Variants in PPARD observed in about 807,000 individuals in gnomAD.
The protein encoded by PPARD is peroxisome proliferator-activated receptor delta.
PPARD carries 6 observed loss-of-function variants against 39.5 expected under a neutral mutation model. The ratio of observed to expected loss-of-function variants is 0.15; its 90% CI spans 0.08 to 0.30. The LOEUF is 0.30. Ranked by LOEUF, PPARD falls within the 10% of genes least tolerant of loss-of-function variation. PPARD has a pLI of 1.00. For synonymous variants in PPARD, 210 were observed against 231.3 expected, an observed-to-expected ratio of 0.91 and a Z score of 0.83; for missense variants, 397 against 596.8, an observed-to-expected ratio of 0.67 and a Z score of 3.49.
intron 2 of PPARD, among the ~76,000 whole-genome samples, chr6:35,347,603 ATT>A (rs754920670): frequency 6.6e-6 from 1 of 150,478 alleles, no homozygotes; most frequent in Non-Finnish European, 1.5e-5. Context: ...ATATATATAT[ATT>A]TTGTTTGTTT....
chr6:35,410,037 ACAGG>A (rs1765326296), intron 2 of PPARD, among the ~76,000 whole-genome samples: 1 of 152,188 alleles, frequency 6.6e-6, no homozygotes, highest in South Asian at 2.1e-4. Context: ...GAGTGGGTAG[ACAGG>A]CAGGTGGGTT....
chr6:35,398,424 A>G (rs1041465672), intron 2 of PPARD, among the ~76,000 whole-genome samples: 1 of 152,162 alleles, frequency 6.6e-6, no homozygotes. Flanking sequence ...GAGAGAGACC[A>G]TGGGGGGAAG....
chr6:35,351,228 T>C lies in PPARD; in HGVS notation c.-102+4078T>C, dbSNP rs562428714. Among the ~76,000 whole-genome samples, 31 of 152,086 alleles carry C rather than the reference T, an allele frequency of 2.0e-4. No individual in the cohort carries two copies. The East Asian group carries it at 5.6e-3, about 28-fold the overall frequency. ...TTTTAGTAGAGACGGGGTTTCACCA[T>C]GTTAGCCAGGATGGTCTCAATCTCC... On this transcript the variant is annotated intron_variant, in intron 2 of 7. Coordinates refer to ENST00000360694, the MANE Select transcript of PPARD (RefSeq NM_006238.5).
At chr6:35,360,318 G>C (rs1381514965) in intron 2 of PPARD, among the ~76,000 whole-genome samples, 1 of 152,128 alleles carries the variant, frequency 6.6e-6, no homozygotes, top group Non-Finnish European at 1.5e-5. Context: ...GAGAAAAGTT[G>C]GCCCAGATGT....
rs60616912 is a variant in PPARD, at chr6:35,366,911, A to G, written c.-102+19761A>G. Among the ~76,000 whole-genome samples, 20 of 152,360 alleles carry G rather than the reference A, an allele frequency of 1.3e-4. 1 individual carries two copies. In the East Asian group the frequency reaches 3.3e-3, roughly 25 times the overall value. On this transcript the variant is annotated intron_variant, in intron 2 of 7. Coordinates refer to ENST00000360694, the MANE Select transcript of PPARD (RefSeq NM_006238.5). The surrounding 1 kb of genome is among the most constrained non-coding windows in gnomAD (Gnocchi z 4.6). The stretch of plus-strand genomic sequence containing the variant: ...GAAATGACCACAAAAAGAAGGTATT[A>G]CTGATTAATATGCATATGGTCTTGC...
chr6:35,399,735 A>G (rs146031293), intron 2 of PPARD, among the ~76,000 whole-genome samples: 3 of 152,208 alleles, frequency 2.0e-5, no homozygotes, highest in Non-Finnish European at 4.4e-5. Context: ...CCCTCTTCAT[A>G]CAGGGGAACT....
At chr6:35,345,045 A>G (rs769696754) in intron 1 of PPARD, among the ~76,000 whole-genome samples, 2 of 152,058 alleles carry the variant, frequency 1.3e-5, no homozygotes, top group Non-Finnish European at 2.9e-5. Context: ...TACTCTTTTG[A>G]GCAGTTTGTT....
intron 2 of PPARD, among the ~76,000 whole-genome samples, chr6:35,386,702 G>GA (rs1763683686): frequency 6.6e-6 from 1 of 152,042 alleles, no homozygotes; most frequent in Non-Finnish European, 1.5e-5. Flanking sequence ...CCCTGAAGAT[G>GA]AACTCCTCAA....
chr6:35,360,106 G>T (rs918368444), intron 2 of PPARD, among the ~76,000 whole-genome samples: 1 of 152,154 alleles, frequency 6.6e-6, no homozygotes, highest in South Asian at 2.1e-4. Context: ...TCTCATTCCA[G>T]GTCAGTGGAC....
At chr6:35,393,392 G>A (rs982867502) in intron 2 of PPARD, among the ~76,000 whole-genome samples, 1 of 152,174 alleles carries the variant, frequency 6.6e-6, no homozygotes, top group Non-Finnish European at 1.5e-5. Context: ...TGCTAGGTGG[G>A]CTGAGATCCA....
At chr6:35,399,217 TG>T (rs1420275876) in intron 2 of PPARD, among the ~76,000 whole-genome samples, 1 of 151,928 alleles carries the variant, frequency 6.6e-6, no homozygotes, top group Admixed American at 6.6e-5. Flanking sequence ...CTGGCCAACG[TG>T]GTGAAACTCC....
Position 35,385,504 on chromosome 6 carries a change from G to A in PPARD, c.-101-25483G>A, listed in dbSNP as rs1232298503. On this transcript the variant is annotated intron_variant, in intron 2 of 7. Coordinates refer to ENST00000360694, the MANE Select transcript of PPARD (RefSeq NM_006238.5). ...AGGGACACAAACACTGCGGAAGGCC[G>A]CAGGGTCCTCTGCCTAGGAAAACCA... 4.0e-5 allele frequency among the ~76,000 whole-genome samples: 6 copies of A among 149,974 alleles called. No individual in the cohort carries two copies. In the East Asian group the frequency reaches 5.9e-4, roughly 15 times the overall value.
intron 2 of PPARD, among the ~76,000 whole-genome samples, chr6:35,391,431 C>T (rs907922305): frequency 1.3e-5 from 2 of 152,312 alleles, no homozygotes; most frequent in East Asian, 1.9e-4. Flanking sequence ...TTCGGGTTTA[C>T]GTTGTTGGTG....
intron 2 of PPARD, among the ~76,000 whole-genome samples, chr6:35,353,189 C>T (rs1431039036): frequency 2.0e-5 from 3 of 152,110 alleles, no homozygotes; most frequent in Non-Finnish European, 4.4e-5. Context: ...GTACTCTGTT[C>T]TTTGGGCAAT....
chr6:35,376,959 G>A (rs966617947), intron 2 of PPARD, among the ~76,000 whole-genome samples: 1 of 151,464 alleles, frequency 6.6e-6, no homozygotes, highest in East Asian at 1.9e-4. Flanking sequence ...GGCAGAGCTT[G>A]CAGTGAGCTG....
intron 2 of PPARD, among the ~76,000 whole-genome samples, chr6:35,403,251 T>C (rs1484296057): frequency 2.0e-5 from 3 of 152,236 alleles, no homozygotes; most frequent in African/African-American, 4.8e-5. Context: ...CAGCAGCCAC[T>C]GTGGTCCTTA....
chr6:35,408,714 G>A (rs1270999659), intron 2 of PPARD, among the ~76,000 whole-genome samples: 1 of 152,226 alleles, frequency 6.6e-6, no homozygotes, highest in Non-Finnish European at 1.5e-5. Flanking sequence ...GGCCAGGTCT[G>A]CCCAATTTTC....
Position 35,426,297 on chromosome 6 carries a change from T to G in PPARD, c.*218T>G. 2 of 602,558 alleles carry G rather than the reference T, an allele frequency of 3.3e-6. No homozygotes were observed. The highest frequency in any genetic ancestry group is 5.8e-6 in the Non-Finnish European group (2 of 346,558). The allele number at this position is 602,558 out of a possible 1,614,324, so 37.3% of individuals were successfully genotyped here. A position where few individuals can be genotyped will look rare whatever the true frequency, so the allele number is the denominator to read the frequency against. On this transcript the variant is annotated 3_prime_UTR_variant, in exon 8 of 8. Transcript: ENST00000360694. ...CTTCCTGTCTTTGTTGTCTCCCTCT[T>G]TCTCAGTTCCTCTTTCTTTTCTAAT...
intron 2 of PPARD, among the ~76,000 whole-genome samples, chr6:35,375,991 T>C (rs1305708735): frequency 2.6e-5 from 4 of 152,264 alleles, no homozygotes; most frequent in African/African-American, 9.6e-5. Context: ...TTTCTCTGTA[T>C]ATGTATATAT....
Sources: gnomAD v4.1 joint callset for allele counts (sites outside exome capture counted in the v4.1 genomes callset) on GRCh38, gnomAD v4.1.1 for gene constraint, Gnocchi (gnomAD v3.1) non-coding constraint, MANE v1.5 for transcripts, NCBI Gene and HGNC (gene_info 2026-07-23, HGNC 2026-07-21) for gene names.